Variants in CFAP221 observed in about 807,000 individuals in gnomAD.
The protein encoded by CFAP221 is cilia- and flagella-associated protein 221.
CFAP221 carries 97 observed loss-of-function variants against 113.1 expected under a neutral mutation model. The ratio of observed to expected loss-of-function variants is 0.86; its 90% CI spans 0.73 to 1.02. The LOEUF (loss-of-function observed/expected upper bound fraction) is 1.02. Ranked by LOEUF, CFAP221 falls within the 50% of genes least tolerant of loss-of-function variation. The pLI is 0.00. For missense variants in CFAP221, 1,025 were observed against 1,013.4 expected (o/e 1.01, Z -0.16); for synonymous variants, 331 against 354.4 (o/e 0.93, Z 0.74).
At chr2:119,613,006 T>C (rs546295693) in intron 13 of CFAP221, among the ~76,000 whole-genome samples, 1 of 152,134 alleles carries the variant, frequency 6.6e-6, no homozygotes, top group East Asian at 1.9e-4. Flanking sequence ...ATGGGAGAAA[T>C]TGGCCAAAAC....
At position 119,627,691 on chromosome 2, in the gene CFAP221, C is replaced by T. The variant is rs201318547; in HGVS notation, c.1555C>T (p.Gln519Ter). The T allele has an allele frequency of 1.2e-6, 2 of 1,613,594 alleles. No individual in the cohort carries two copies. The highest frequency in any genetic ancestry group is 1.7e-6 in the Non-Finnish European group (2 of 1,179,906). ...CAAATTCTTCCTGAGGCGGATCAGT[C>T]AGGATGATTATACCAGCCGGTTCTC... ...FFKFFLRRISQDDYTSRFSVS... is the reference protein window; with the variant it reads ...FFKFFLRRIS Residue 519 changes from glutamine (Q) to a stop codon, truncating the protein, a stop_gained, in exon 16 of 24, where the codon CAG becomes TAG. Coordinates refer to ENST00000413369, the MANE Select transcript of CFAP221 (RefSeq NM_001271049.2). LOFTEE classifies it high-confidence loss of function.
intron 14 of CFAP221, among the ~76,000 whole-genome samples, chr2:119,621,673 A>C (rs1685932010): frequency 6.6e-6 from 1 of 152,198 alleles, no homozygotes; most frequent in Non-Finnish European, 1.5e-5. Context: ...GCAAAAGAAC[A>C]GAAATCATAA....
At chr2:119,612,888 G>T (rs1685276056) in intron 13 of CFAP221, among the ~76,000 whole-genome samples, 1 of 152,186 alleles carries the variant, frequency 6.6e-6, no homozygotes, top group African/African-American at 2.4e-5. Context: ...AGTCCTATCT[G>T]AGACAGGGCA....
At chr2:119,557,952 C>T (rs1169129427) in intron 3 of CFAP221, among the ~76,000 whole-genome samples, 2 of 126,496 alleles carry the variant, frequency 1.6e-5, no homozygotes, top group African/African-American at 6.3e-5. Flanking sequence ...GAGCAAGACT[C>T]CGTCTCAAAA....
intron 11 of CFAP221, among the ~76,000 whole-genome samples, chr2:119,606,769 T>C (rs1437953637): frequency 6.6e-6 from 1 of 152,208 alleles, no homozygotes; most frequent in Non-Finnish European, 1.5e-5. Context: ...AATCCCATTC[T>C]GAATGCTGTG....
chr2:119,617,192 T>C (rs1264711647), intron 14 of CFAP221, among the ~76,000 whole-genome samples: 2 of 152,324 alleles, frequency 1.3e-5, no homozygotes, highest in African/African-American at 4.8e-5. Context: ...CAGCCTGGAC[T>C]TGTGGCAGTC....
intron 6 of CFAP221, among the ~76,000 whole-genome samples, chr2:119,566,265 A>G (rs1681617472): frequency 6.6e-6 from 1 of 152,144 alleles, no homozygotes; most frequent in Non-Finnish European, 1.5e-5. Context: ...TATTAAAGCA[A>G]TCAACTCTAC....
At chr2:119,640,375 C>A (rs1175503825) in intron 21 of CFAP221, among the ~76,000 whole-genome samples, 18 of 152,162 alleles carry the variant, frequency 1.2e-4, no homozygotes, top group Non-Finnish European at 1.0e-4. Context: ...TCCAGATACA[C>A]AATGGGTAGA....
intron 22 of CFAP221, among the ~76,000 whole-genome samples, chr2:119,651,521 G>A (rs1688130093): frequency 6.6e-6 from 1 of 150,742 alleles, no homozygotes; most frequent in African/African-American, 2.4e-5. Flanking sequence ...AGACTATTTA[G>A]CAATATAGTG....
Position 119,604,875 on chromosome 2 carries a change from G to A in CFAP221, c.913-1G>A. The A allele has an allele frequency of 1.2e-6, 2 of 1,613,974 alleles. No homozygotes were observed. Among genetic ancestry groups the A allele is most frequent in the Non-Finnish European group, 1.7e-6 (2 of 1,179,954 alleles). ...ATTTCCCTATTGATTTGGTCTCTTAGGAAATTGAGTACCAGAACCTCAGAT... is the reference window on the plus strand; with the variant it reads ...ATTTCCCTATTGATTTGGTCTCTTAAGAAATTGAGTACCAGAACCTCAGAT... On this transcript the variant is annotated splice_acceptor_variant, in intron 9 of 23. Transcript: ENST00000413369. LOFTEE classifies it high-confidence loss of function.
At position 119,630,614 on chromosome 2, in the gene CFAP221, C is replaced by G; in HGVS notation, c.1776C>G (p.Val592=). ...YKIKRYQPFS[V]HKSSTSYRPQ... ...TTAAGAGATATCAGCCATTCTCTGT[C>G]CACAAGTCTTCAACAAGTTACAGAC... The change falls in exon 18 of 24, where the codon GTC becomes GTG. Residue 592 remains valine, a synonymous_variant. Coordinates refer to ENST00000413369, the MANE Select transcript of CFAP221 (RefSeq NM_001271049.2). 6.2e-7 allele frequency: 1 copy of G among 1,613,956 alleles called. No individual in the cohort carries two copies. Among genetic ancestry groups the G allele is most frequent in the Non-Finnish European group, 8.5e-7 (1 of 1,179,806 alleles).
intron 7 of CFAP221, among the ~76,000 whole-genome samples, chr2:119,592,234 A>G (rs1683647813): frequency 6.6e-6 from 1 of 152,234 alleles, no homozygotes; most frequent in African/African-American, 2.4e-5. Context: ...GTTACTTGAT[A>G]TTGACTGAAG....
At chr2:119,578,257 C>T (rs1362339081) in intron 6 of CFAP221, among the ~76,000 whole-genome samples, 2 of 152,140 alleles carry the variant, frequency 1.3e-5, no homozygotes, top group Non-Finnish European at 2.9e-5. Flanking sequence ...TTAAGTAGTC[C>T]TAGAGCCCAG....
chr2:119,558,699 T>G (rs982528978), intron 3 of CFAP221, among the ~76,000 whole-genome samples: 6 of 152,078 alleles, frequency 3.9e-5, no homozygotes, highest in Non-Finnish European at 8.8e-5. Context: ...GGTGCATGCC[T>G]ATAATCCCAG....
chr2:119,569,958 T>A (rs914453213), intron 6 of CFAP221, among the ~76,000 whole-genome samples: 2 of 152,258 alleles, frequency 1.3e-5, no homozygotes, highest in Non-Finnish European at 2.9e-5. Context: ...TTAAATTCCC[T>A]GTCTGATAAT....
intron 6 of CFAP221, among the ~76,000 whole-genome samples, chr2:119,567,348 T>C (rs1681726809): frequency 6.6e-6 from 1 of 152,236 alleles, no homozygotes; most frequent in African/African-American, 2.4e-5. Context: ...TTTCAGAATG[T>C]CATATAGTTG....
rs1482994791 is a variant in CFAP221, at chr2:119,611,746, G to A, written c.1311+4G>A. The A allele has an allele frequency of 1.2e-6, 2 of 1,605,796 alleles. No homozygotes were observed. The highest frequency in any genetic ancestry group is 8.5e-7 in the Non-Finnish European group (1 of 1,174,878). On this transcript the variant is annotated splice_donor_region_variant and intron_variant, in intron 13 of 23. Coordinates refer to ENST00000413369, the MANE Select transcript of CFAP221 (RefSeq NM_001271049.2). ...GGTTGTTCGCAATCAAGAAGAGGTGGGTAACTTTCCTTTATTTAGAATCTG... is the reference window on the plus strand; with the variant it reads ...GGTTGTTCGCAATCAAGAAGAGGTGAGTAACTTTCCTTTATTTAGAATCTG...
At chr2:119,617,704 A>G (rs1685624490) in intron 14 of CFAP221, among the ~76,000 whole-genome samples, 1 of 152,228 alleles carries the variant, frequency 6.6e-6, no homozygotes, top group South Asian at 2.1e-4. Context: ...GACCATGGCC[A>G]CAGGTTCCCC....
intron 12 of CFAP221, 65 bp from the exon 13 acceptor site, chr2:119,611,588 T>A (rs2104700171): frequency 6.9e-7 from 1 of 1,455,430 alleles, no homozygotes; most frequent in African/African-American, 1.4e-5. Context: ...TTCTACAAGT[T>A]TTAAAGACAA....
Sources: gnomAD v4.1 joint callset for allele counts (sites outside exome capture counted in the v4.1 genomes callset) on GRCh38, gnomAD v4.1.1 for gene constraint, MANE v1.5 for transcripts, NCBI Gene and HGNC (gene_info 2026-07-23, HGNC 2026-07-21) for gene names.